KIF11: variants seen among roughly 807,000 people sequenced by gnomAD.
KIF11 encodes kinesin family member 11.
Under a neutral mutation model 121.0 loss-of-function variants are expected in KIF11, and 9 were observed. The observed-to-expected ratio is 0.07, with a 90% CI of 0.04 to 0.13. The LOEUF (loss-of-function observed/expected upper bound fraction) is 0.13, where lower values mean the gene tolerates loss of function less well. Among genes scored for constraint, KIF11 ranks in the 10% least tolerant of loss-of-function variants. The probability of loss-of-function intolerance (pLI) is 1.00; values close to 1 mark genes in which losing one functional copy is unlikely to be tolerated. For synonymous variants in KIF11, 408 were observed against 421.0 expected (o/e 0.97, Z 0.38); for missense variants, 846 against 1,217.5 (o/e 0.69, Z 4.54).
At chr10:92,596,207 A>G (rs886178080) in intron 1 of KIF11, among the ~76,000 whole-genome samples, 24 of 152,142 alleles carry the variant, frequency 1.6e-4, no homozygotes, top group Admixed American at 3.3e-4. Context: ...GTTTCACCAT[A>G]TTAGCCAGGA....
intron 12 of KIF11, among the ~76,000 whole-genome samples, chr10:92,631,454 C>T (rs1358961836): frequency 6.3e-4 from 95 of 150,240 alleles, no homozygotes; most frequent in Admixed American, 9.2e-4. Context: ...CTCCGCTTCC[C>T]GGGTTCACGC....
chr10:92,651,518 T>G (rs1487676348), intron 21 of KIF11, among the ~76,000 whole-genome samples: 4 of 65,174 alleles, frequency 6.1e-5, no homozygotes, highest in Non-Finnish European at 1.1e-4. Flanking sequence ...TTTTTTTTTT[T>G]TTTTTTTTTT....
intron 4 of KIF11, among the ~76,000 whole-genome samples, chr10:92,607,702 A>G (rs937236204): frequency 2.6e-5 from 4 of 152,200 alleles, no homozygotes; most frequent in African/African-American, 9.6e-5. Flanking sequence ...AAAGATTTCC[A>G]TGAATTTAAG....
intron 6 of KIF11, among the ~76,000 whole-genome samples, chr10:92,610,132 G>C (rs1463010421): frequency 6.6e-6 from 1 of 152,140 alleles, no homozygotes; most frequent in Non-Finnish European, 1.5e-5. Context: ...TTTTGGAATG[G>C]GACGCTCTGA....
chr10:92,601,070 GGC>G (rs1844363707), intron 1 of KIF11, among the ~76,000 whole-genome samples: 1 of 152,200 alleles, frequency 6.6e-6, no homozygotes, highest in African/African-American at 2.4e-5. Flanking sequence ...ATCTTGGCTA[GGC>G]TGGTCTTGAA....
At chr10:92,652,718 G>T (rs1845001283) in intron 21 of KIF11, among the ~76,000 whole-genome samples, 2 of 152,280 alleles carry the variant, frequency 1.3e-5, no homozygotes, top group Non-Finnish European at 2.9e-5. Context: ...CTTAATCCCT[G>T]GTCAGAAATC....
At chr10:92,601,382 C>G (rs967193476) in intron 1 of KIF11, among the ~76,000 whole-genome samples, 1 of 147,070 alleles carries the variant, frequency 6.8e-6, no homozygotes, top group African/African-American at 2.5e-5. Flanking sequence ...TTTTTTTTCT[C>G]GTATTTTTAG....
At chr10:92,637,655 C>T (rs543067631) in intron 16 of KIF11, 110 bp downstream of exon 16, 1 of 983,714 alleles carries the variant, frequency 1.0e-6, no homozygotes, top group South Asian at 1.6e-5. Flanking sequence ...AAAGCTGAAA[C>T]CTGAAAATAC....
intron 4 of KIF11, among the ~76,000 whole-genome samples, chr10:92,607,905 A>G (rs998413588): frequency 1.3e-5 from 2 of 152,058 alleles, no homozygotes; most frequent in African/African-American, 4.8e-5. Context: ...CTGTAATCCT[A>G]GCACTTTGGG....
chr10:92,647,774 G>A (rs544344031), intron 18 of KIF11, among the ~76,000 whole-genome samples: 1 of 152,212 alleles, frequency 6.6e-6, no homozygotes, highest in East Asian at 1.9e-4. Flanking sequence ...ATGAATACAA[G>A]GGAGTTAATT....
chr10:92,639,924 A>G, intron 17 of KIF11, 24 bp downstream of exon 17: 1 of 1,259,414 alleles, frequency 7.9e-7, no homozygotes, highest in Non-Finnish European at 1.1e-6. Context: ...AAATTCTCTT[A>G]AACTTTTCTG....
Position 92,634,441 on chromosome 10 carries a change from C to T in KIF11, c.1875+646C>T, listed in dbSNP as rs546981247. On this transcript the variant is annotated intron_variant, in intron 14 of 21. Coordinates refer to ENST00000260731, the MANE Select transcript of KIF11 (RefSeq NM_004523.4). ...TGTGCCACCACGCCTGGCTAATTTT[C>T]GTATTTTTTTTTAGTAGAGATGGTG... Among the ~76,000 whole-genome samples the T allele has an allele frequency of 3.0e-4, 45 of 151,454 alleles. 1 individual carries two copies. Among genetic ancestry groups the T allele is most frequent in the Non-Finnish European group, 4.1e-4 (28 of 67,860 alleles).
At chr10:92,617,922 T>G (rs762905112) in intron 9 of KIF11, among the ~76,000 whole-genome samples, 31 of 152,076 alleles carry the variant, frequency 2.0e-4, no homozygotes, top group Non-Finnish European at 3.7e-4. Context: ...GTACTTTTAG[T>G]AGAGATGGGG....
chr10:92,634,221 G>A (rs189319611), intron 14 of KIF11, among the ~76,000 whole-genome samples: 3,161 of 152,136 alleles, frequency 0.021, 49 homozygotes, highest in Admixed American at 0.052. Flanking sequence ...CTGACCTTGT[G>A]ATCCACCCGC....
Position 92,616,764 on chromosome 10 carries a change from C to T in KIF11, c.1060C>T (p.His354Tyr). Residue 354 changes from histidine (H) to tyrosine (Y), a missense_variant, in exon 9 of 22, where the codon CAT becomes TAT. Transcript: ENST00000260731. ...AACTCTGAGTACATTGGAATATGCTCATAGAGCAAAGAACATATTGAATAA... is the reference window on the plus strand; with the variant it reads ...AACTCTGAGTACATTGGAATATGCTTATAGAGCAAAGAACATATTGAATAA... Reference protein sequence around the residue: ...EETLSTLEYAHRAKNILNKPE... With the variant: ...EETLSTLEYAYRAKNILNKPE... 6 of 1,605,148 alleles carry T rather than the reference C, an allele frequency of 3.7e-6. No individual in the cohort carries two copies. Among genetic ancestry groups the T allele is most frequent in the Non-Finnish European group, 5.1e-6 (6 of 1,174,760 alleles).
At chr10:92,625,861 A>G (rs1165071764) in intron 10 of KIF11, among the ~76,000 whole-genome samples, 1 of 152,246 alleles carries the variant, frequency 6.6e-6, no homozygotes, top group Non-Finnish European at 1.5e-5. Context: ...CTAGGAATAC[A>G]ACTAACCAGA....
At position 92,645,397 on chromosome 10, in the gene KIF11, C is replaced by T; in HGVS notation, c.2302C>T (p.His768Tyr). ...GGATATAGTCAACAAAATGACTTTT[C>T]ACAGTCAAAAATTTTGTGCTGATTC... ...SKDIVNKMTF[H>Y]SQKFCADSDG... The change falls in exon 18 of 22, where the codon CAC becomes TAC. Residue 768 changes from histidine (H) to tyrosine (Y), a missense_variant. His to Tyr is a moderately conservative substitution (Grantham distance 83). Transcript: ENST00000260731. 3.7e-6 allele frequency: 6 copies of T among 1,612,154 alleles called. No individual in the cohort carries two copies. Among genetic ancestry groups the T allele is most frequent in the East Asian group, 2.2e-5 (1 of 44,852 alleles).
At chr10:92,651,983 T>A (rs952944712) in intron 21 of KIF11, among the ~76,000 whole-genome samples, 30 of 117,158 alleles carry the variant, frequency 2.6e-4, no homozygotes, top group South Asian at 1.3e-3. Flanking sequence ...TTTTTTTTTT[T>A]AAATATATAT....
At chr10:92,653,040 G>GT (rs1277296281) in intron 21 of KIF11, among the ~76,000 whole-genome samples, 1 of 152,128 alleles carries the variant, frequency 6.6e-6, no homozygotes, top group Non-Finnish European at 1.5e-5. Context: ...TATGAAATAG[G>GT]TTTTACAAAT....
Sources: gnomAD v4.1 joint callset for allele counts (sites outside exome capture counted in the v4.1 genomes callset) on GRCh38, gnomAD v4.1.1 for gene constraint, MANE v1.5 for transcripts, NCBI Gene and HGNC (gene_info 2026-07-23, HGNC 2026-07-21) for gene names.